The following SLC44A2 variants were observed in gnomAD, a reference collection of about 807,000 sequenced individuals.
SLC44A2 encodes solute carrier family 44 member 2 (CTL2 blood group).
A neutral mutation model predicts 90.8 loss-of-function variants in SLC44A2; 57 were observed. The observed-to-expected ratio is 0.63, with a 90% CI of 0.51 to 0.78. The LOEUF (loss-of-function observed/expected upper bound fraction) is 0.78, where lower values mean the gene tolerates loss of function less well. SLC44A2 is among the 30% of genes least tolerant of loss of function. The pLI, the probability that SLC44A2 is intolerant of heterozygous loss-of-function variation, is 0.00. For missense variants in SLC44A2, 794 were observed against 919.7 expected (o/e 0.86, Z 1.77); for synonymous variants, 355 against 360.7 (o/e 0.98, Z 0.18).
intron 20 of SLC44A2, 21 bp from the exon 21 acceptor site, chr19:10,642,346 A>T (rs1053110235): frequency 6.2e-7 from 1 of 1,610,680 alleles, no homozygotes; most frequent in Admixed American, 1.7e-5. Context: ...GAGCAGGGAC[A>T]GCTCGTTTCT....
intron 1 of SLC44A2, among the ~76,000 whole-genome samples, chr19:10,616,557 TTTTCAC>T (rs1368107082): frequency 1.3e-5 from 2 of 152,078 alleles, no homozygotes; most frequent in East Asian, 3.9e-4. Flanking sequence ...CCTGTCTCTA[TTTTCAC>T]TTTTATTTTT....
At chr19:10,634,327 G>T (rs2067030124) in intron 10 of SLC44A2, among the ~76,000 whole-genome samples, 1 of 151,558 alleles carries the variant, frequency 6.6e-6, no homozygotes, top group African/African-American at 2.4e-5. Flanking sequence ...AGCCGGGCAT[G>T]GTGGCGCATG....
At chr19:10,629,406 T>C (rs887232899) in intron 4 of SLC44A2, among the ~76,000 whole-genome samples, 1 of 151,124 alleles carries the variant, frequency 6.6e-6, no homozygotes, top group African/African-American at 2.4e-5. Context: ...GCCTCCCGAG[T>C]TGCTGGGATT....
chr19:10,621,437 T>TG (rs201522389), upstream of SLC44A2, among the ~76,000 whole-genome samples: 1,744 of 144,390 alleles, frequency 0.012, 40 homozygotes, highest in Non-Finnish European at 0.021. Context: ...TTTTTTTTTT[T>TG]TTTTGGTTTT....
intron 16 of SLC44A2, among the ~76,000 whole-genome samples, chr19:10,637,301 G>A (rs904922535): frequency 5.3e-5 from 8 of 152,078 alleles, no homozygotes; most frequent in Non-Finnish European, 8.8e-5. Context: ...TCAGTGGGCC[G>A]AGACCGAGCG....
intron 21 of SLC44A2, 102 bp from the exon 22 acceptor site, chr19:10,643,177 C>G (rs772942235): frequency 4.9e-5 from 72 of 1,477,978 alleles, no homozygotes; most frequent in Non-Finnish European, 6.0e-5. Context: ...TGCTTTCTAA[C>G]CCTCTGAGGC....
intron 1 of SLC44A2, among the ~76,000 whole-genome samples, chr19:10,611,338 G>A (rs928088234): frequency 6.6e-6 from 1 of 152,112 alleles, no homozygotes; most frequent in Non-Finnish European, 1.5e-5. Context: ...TGTAATCTCA[G>A]CTACTCAGGG....
At chr19:10,606,228 G>A (rs1342696029) in intron 1 of SLC44A2, among the ~76,000 whole-genome samples, 2 of 152,050 alleles carry the variant, frequency 1.3e-5, no homozygotes, top group Non-Finnish European at 2.9e-5. Flanking sequence ...AGCCCAGGAG[G>A]CAGAGGTTGC....
intron 1 of SLC44A2, among the ~76,000 whole-genome samples, chr19:10,619,956 A>G (rs1264593732): frequency 2.6e-5 from 4 of 152,052 alleles, no homozygotes; most frequent in Non-Finnish European, 4.4e-5. Context: ...CTCCGTCTCA[A>G]AAAAAATCTG....
At chr19:10,611,533 C>G (rs2144810629) in intron 1 of SLC44A2, among the ~76,000 whole-genome samples, 1 of 144,968 alleles carries the variant, frequency 6.9e-6, no homozygotes, top group South Asian at 2.1e-4. Context: ...TTTGTGAGGC[C>G]AAGGTGGGTG....
intron 1 of SLC44A2, among the ~76,000 whole-genome samples, chr19:10,607,270 A>T (rs1918137928): frequency 6.6e-6 from 1 of 151,988 alleles, no homozygotes; most frequent in Non-Finnish European, 1.5e-5. Flanking sequence ...AATACAAAAG[A>T]TACAAAAGAT....
chr19:10,642,768 T>G, intron 21 of SLC44A2: 1 of 1,203,696 alleles, frequency 8.3e-7, no homozygotes, highest in Non-Finnish European at 1.1e-6. Flanking sequence ...TCTGTTTTTT[T>G]TGTTTGTTTT....
intron 1 of SLC44A2, among the ~76,000 whole-genome samples, chr19:10,617,426 C>G (rs2066864555): frequency 6.6e-6 from 1 of 152,170 alleles, no homozygotes; most frequent in Non-Finnish European, 1.5e-5. Context: ...CCCACAAAGC[C>G]AGGCCTTGAG....
At chr19:10,608,954 C>CT (rs35684067) in intron 1 of SLC44A2, among the ~76,000 whole-genome samples, 18,169 of 111,176 alleles carry the variant, frequency 0.16, 2,758 homozygotes, top group Non-Finnish European at 0.26. Context: ...CCCAGCCTAC[C>CT]TTTTTTTTTT....
chr19:10,631,177 C>G, intron 5 of SLC44A2, 36 bp downstream of exon 5: 2 of 1,607,938 alleles, frequency 1.2e-6, no homozygotes, highest in East Asian at 4.5e-5. Context: ...TTTCCTCTCC[C>G]CGCTTCCCAT....
intron 20 of SLC44A2, among the ~76,000 whole-genome samples, chr19:10,638,937 T>C (rs1445229384): frequency 6.6e-6 from 1 of 152,098 alleles, no homozygotes; most frequent in Admixed American, 6.6e-5. Flanking sequence ...GTAGCTGAGA[T>C]TACAGGCACG....
At position 10,631,712 on chromosome 19, in the gene SLC44A2, T is replaced by C; in HGVS notation, c.589T>C (p.Ser197Pro). The change falls in exon 8 of 22, where the codon TCC becomes CCC. Residue 197 changes from serine to proline, a missense_variant. Transcript: ENST00000335757. ...GACGACCTATGAGGATGGGCATGGC[T>C]CCCGGAAAAACATCACAGACCTGGT... is the stretch of plus-strand genomic sequence containing the variant. ...NETTYEDGHG[S>P]RKNITDLVEG... 6.2e-7 allele frequency: 1 copy of C among 1,613,066 alleles called. No individual in the cohort carries two copies. The highest frequency in any genetic ancestry group is 8.5e-7 in the Non-Finnish European group (1 of 1,180,026).
At chr19:10,626,343 A>G in intron 2 of SLC44A2, 42 bp downstream of exon 2, 2 of 1,422,358 alleles carry the variant, frequency 1.4e-6, no homozygotes, top group Non-Finnish European at 2.0e-6. Context: ...CGCTAATACT[A>G]CCCCAATCCC....
upstream of SLC44A2, among the ~76,000 whole-genome samples, chr19:10,620,951 A>T (rs1401293835): frequency 6.6e-6 from 1 of 151,952 alleles, no homozygotes; most frequent in Non-Finnish European, 1.5e-5. Flanking sequence ...AGGCGAGAAG[A>T]TCATTTGAGC....
Sources: gnomAD v4.1 joint callset for allele counts (sites outside exome capture counted in the v4.1 genomes callset) on GRCh38, gnomAD v4.1.1 for gene constraint, MANE v1.5 for transcripts, NCBI Gene and HGNC (gene_info 2026-07-23, HGNC 2026-07-21) for gene names.